MDFIC2: variants seen among roughly 807,000 people sequenced by gnomAD.
MDFIC2 encodes myoD family inhibitor domain-containing protein 2.
At chr3:70,279,848 C>G (rs892200538) in intron 2 of MDFIC2, among the ~76,000 whole-genome samples, 3 of 152,132 alleles carry the variant, frequency 2.0e-5, no homozygotes, top group African/African-American at 7.2e-5. Context: ...ACAACTACAC[C>G]TGCCAAACCA....
At chr3:70,305,893 G>C (rs1485639210) in intron 2 of MDFIC2, among the ~76,000 whole-genome samples, 1 of 152,108 alleles carries the variant, frequency 6.6e-6, no homozygotes, top group Non-Finnish European at 1.5e-5. Flanking sequence ...GCATTATATT[G>C]AAAAGGGAAT....
chr3:70,277,092 G>A (rs775400382), intron 2 of MDFIC2, among the ~76,000 whole-genome samples: 1 of 152,030 alleles, frequency 6.6e-6, no homozygotes, highest in Non-Finnish European at 1.5e-5. Flanking sequence ...TTTTCAATGA[G>A]GCGTGAGAAA....
At chr3:70,291,118 T>C (rs1168738887) in intron 2 of MDFIC2, 1 of 152,188 alleles carries the variant, frequency 6.6e-6, no homozygotes, top group East Asian at 1.9e-4. Context: ...GAAAAGAATA[T>C]CATTGAAAGC....
At chr3:70,247,963 T>C (rs929382122) in intron 2 of MDFIC2, among the ~76,000 whole-genome samples, 1 of 152,086 alleles carries the variant, frequency 6.6e-6, no homozygotes, top group Non-Finnish European at 1.5e-5. Flanking sequence ...ACAAATAAAG[T>C]AGAATTTAAT....
chr3:70,199,149 T>C (rs376185508), intron 3 of MDFIC2, among the ~76,000 whole-genome samples: 8 of 152,282 alleles, frequency 5.3e-5, no homozygotes, highest in Admixed American at 3.3e-4. Context: ...CCTTTATACA[T>C]GCAAGGTTAA....
In MDFIC2 at chr3:70,311,873, CAAG is replaced by C. The variant is rs1207185722; in HGVS notation, c.88+10_88+12del. Reference sequence around the variant, plus strand: ...TTTCACACCAATAGAAAATCAAGAGCAAGAAGACTTACCTTCTTTCAACCAAGA... The same window carrying C: ...TTTCACACCAATAGAAAATCAAGAGCAAGACTTACCTTCTTTCAACCAAGA... On this transcript the variant is annotated intron_variant, in intron 2 of 3. Transcript: ENST00000567252. The C allele has an allele frequency of 2.5e-6, 1 of 397,462 alleles. No individual in the cohort carries two copies. Among genetic ancestry groups the C allele is most frequent in the Non-Finnish European group, 4.4e-6 (1 of 225,480 alleles). The allele number at this position is 397,462 out of a possible 1,614,324, so 24.6% of individuals were successfully genotyped here.
chr3:70,308,177 A>G (rs553836781), intron 2 of MDFIC2, among the ~76,000 whole-genome samples: 2 of 152,110 alleles, frequency 1.3e-5, no homozygotes, highest in Non-Finnish European at 2.9e-5. Flanking sequence ...CAGTCTGTCT[A>G]GTAGTTGGGA....
At chr3:70,267,811 T>G (rs1180616997) in intron 2 of MDFIC2, among the ~76,000 whole-genome samples, 1 of 152,120 alleles carries the variant, frequency 6.6e-6, no homozygotes, top group East Asian at 1.9e-4. Flanking sequence ...GAAACAAGTT[T>G]TGTTAGGTAA....
intron 2 of MDFIC2, among the ~76,000 whole-genome samples, chr3:70,221,713 T>C (rs1701462128): frequency 6.6e-6 from 1 of 152,076 alleles, no homozygotes; most frequent in Admixed American, 6.5e-5. Flanking sequence ...AAAAGGACAA[T>C]GAGGTAGATC....
intron 2 of MDFIC2, among the ~76,000 whole-genome samples, chr3:70,262,885 A>G (rs1000627470): frequency 3.3e-5 from 5 of 152,016 alleles, no homozygotes; most frequent in Admixed American, 1.3e-4. Context: ...ATTTCTCCCA[A>G]TATTTTTGTC....
intron 2 of MDFIC2, among the ~76,000 whole-genome samples, chr3:70,225,802 C>T (rs1274615385): frequency 1.3e-5 from 2 of 152,164 alleles, no homozygotes; most frequent in Non-Finnish European, 2.9e-5. Context: ...GTTAAAGATA[C>T]ATGGTGGTGC....
intron 3 of MDFIC2, chr3:70,204,537 C>G (rs1000309339): frequency 1.3e-5 from 2 of 152,122 alleles, no homozygotes; most frequent in Middle Eastern, 3.2e-3. Flanking sequence ...AGGAAAAGGA[C>G]AAGTGGACTA....
intron 2 of MDFIC2, among the ~76,000 whole-genome samples, chr3:70,280,674 G>T (rs1441499371): frequency 6.6e-6 from 1 of 152,050 alleles, no homozygotes; most frequent in Non-Finnish European, 1.5e-5. Context: ...ATAGAAACTA[G>T]AATACCTCTT....
chr3:70,218,340 G>A (rs1701433772), intron 2 of MDFIC2, among the ~76,000 whole-genome samples: 1 of 152,124 alleles, frequency 6.6e-6, no homozygotes. Context: ...GATGTATATA[G>A]ATGCATATAG....
intron 2 of MDFIC2, among the ~76,000 whole-genome samples, chr3:70,258,349 G>A (rs374175222): frequency 9.2e-5 from 14 of 151,904 alleles, no homozygotes; most frequent in African/African-American, 2.2e-4. Flanking sequence ...AATAAAAAGC[G>A]AGCATATATG....
At chr3:70,251,368 G>A (rs1701766320) in intron 2 of MDFIC2, among the ~76,000 whole-genome samples, 1 of 152,058 alleles carries the variant, frequency 6.6e-6, no homozygotes, top group African/African-American at 2.4e-5. Context: ...CATAATAGGG[G>A]GACTATCTGA....
At chr3:70,254,891 A>G (rs1701800468) in intron 2 of MDFIC2, among the ~76,000 whole-genome samples, 1 of 152,182 alleles carries the variant, frequency 6.6e-6, no homozygotes, top group Admixed American at 6.5e-5. Flanking sequence ...TAAAATTGTC[A>G]TTGTATTTCC....
intron 2 of MDFIC2, among the ~76,000 whole-genome samples, chr3:70,268,826 CT>C (rs1336118690): frequency 6.6e-6 from 1 of 152,046 alleles, no homozygotes; most frequent in Non-Finnish European, 1.5e-5. Context: ...ACAAACTATT[CT>C]TACTAAATAT....
intron 2 of MDFIC2, among the ~76,000 whole-genome samples, chr3:70,274,968 T>G (rs1182610131): frequency 6.6e-6 from 1 of 152,122 alleles, no homozygotes; most frequent in African/African-American, 2.4e-5. Flanking sequence ...TATTACTGTT[T>G]GAAACTATTT....
Sources: allele counts gnomAD v4.1 joint callset (sites outside exome capture counted in the v4.1 genomes callset), GRCh38; gene constraint gnomAD v4.1.1; transcripts MANE v1.5; gene names NCBI Gene and HGNC (gene_info 2026-07-23, HGNC 2026-07-21).